Variants in ENOX1 observed in about 807,000 individuals in gnomAD.
ENOX1 encodes ecto-NOX disulfide-thiol exchanger 1.
Under a neutral mutation model 82.5 loss-of-function variants are expected in ENOX1, and 42 were observed. The ratio of observed to expected loss-of-function variants is 0.51; its 90% CI spans 0.40 to 0.66. The LOEUF (loss-of-function observed/expected upper bound fraction) is 0.66. Among genes scored for constraint, ENOX1 ranks in the 30% least tolerant of loss-of-function variants. The pLI, the probability that ENOX1 is intolerant of heterozygous loss-of-function variation, is 0.00. For missense variants in ENOX1, 608 were observed against 811.6 expected (o/e 0.75, Z 3.05); for synonymous variants, 271 against 282.2 (o/e 0.96, Z 0.40).
intron 9 of ENOX1, among the ~76,000 whole-genome samples, chr13:43,335,404 T>TA (rs2048640140): frequency 3.3e-5 from 5 of 152,212 alleles, no homozygotes; most frequent in African/African-American, 1.2e-4. Context: ...GTCTTGGCTT[T>TA]AAAAAATCTT....
Position 43,260,753 on chromosome 13 carries a change from A to G in ENOX1, c.1611+4645T>C, listed in dbSNP as rs1340645667. Reference sequence around the variant, plus strand: ...AGGGACCAGGTTATTCAGCAGTCCTAGGAACGTGGAGATAGCTCAGAGACA... The same window carrying G: ...AGGGACCAGGTTATTCAGCAGTCCTGGGAACGTGGAGATAGCTCAGAGACA... On this transcript the variant is annotated intron_variant, in intron 14 of 16. Transcript: ENST00000690772. 3.9e-5 allele frequency among the ~76,000 whole-genome samples: 6 copies of G among 152,352 alleles called. No homozygotes were observed. In the East Asian group the frequency reaches 1.2e-3, roughly 29 times the overall value.
chr13:43,337,477 T>C (rs986133962), intron 9 of ENOX1, among the ~76,000 whole-genome samples: 1 of 152,084 alleles, frequency 6.6e-6, no homozygotes, highest in African/African-American at 2.4e-5. Context: ...TGATTATGGG[T>C]TATAATGGAT....
At chr13:43,781,513 T>C (rs1241809615) in intron 1 of ENOX1, among the ~76,000 whole-genome samples, 1 of 152,092 alleles carries the variant, frequency 6.6e-6, no homozygotes, top group Non-Finnish European at 1.5e-5. Flanking sequence ...ACTACTTTTG[T>C]CCACTATTTT....
At chr13:43,509,998 G>A (rs1195294261) in intron 2 of ENOX1, among the ~76,000 whole-genome samples, 3 of 152,062 alleles carry the variant, frequency 2.0e-5, no homozygotes, top group Non-Finnish European at 4.4e-5. Context: ...TTCATGAGTA[G>A]TGGTACACAT....
chr13:43,361,272 T>C lies in ENOX1; in HGVS notation c.382+7A>G, dbSNP rs530333925. On this transcript the variant is annotated splice_region_variant and intron_variant, in intron 6 of 16. Transcript: ENST00000690772. ...ATGAGCAAATATTTCTCATAGGCGT[T>C]ACTTACTTGGATTTTGAGGAAAAAG... The C allele has an allele frequency of 6.2e-7, 1 of 1,610,788 alleles. No homozygotes were observed. Among genetic ancestry groups the C allele is most frequent in the South Asian group, 1.1e-5 (1 of 89,964 alleles).
At chr13:43,439,880 A>T (rs920190298) in intron 3 of ENOX1, among the ~76,000 whole-genome samples, 12 of 152,314 alleles carry the variant, frequency 7.9e-5, no homozygotes, top group African/African-American at 2.4e-4. Context: ...GCCACAATGC[A>T]TTATTTTCAA....
At chr13:43,233,073 C>T (rs541186462) in intron 15 of ENOX1, among the ~76,000 whole-genome samples, 1 of 152,312 alleles carries the variant, frequency 6.6e-6, no homozygotes, top group Admixed American at 6.5e-5. Context: ...GCCAATCCAA[C>T]ATGCAGGCCA....
At chr13:43,679,315 A>G (rs572935586) in intron 1 of ENOX1, among the ~76,000 whole-genome samples, 20 of 152,152 alleles carry the variant, frequency 1.3e-4, no homozygotes, top group Non-Finnish European at 2.8e-4. Context: ...ACACTGGGGA[A>G]TGAACAAGAT....
chr13:43,610,249 A>G (rs571416405), intron 2 of ENOX1, among the ~76,000 whole-genome samples: 6 of 152,176 alleles, frequency 3.9e-5, no homozygotes, highest in Non-Finnish European at 8.8e-5. Flanking sequence ...CAGGTGATAA[A>G]TAAATTGTAA....
intron 2 of ENOX1, among the ~76,000 whole-genome samples, chr13:43,597,431 G>C (rs35560787): frequency 0.072 from 10,944 of 152,200 alleles, 543 homozygotes; most frequent in East Asian, 0.26. Context: ...CAAAAGCCTT[G>C]AAGTCACCTT....
chr13:43,639,472 A>T (rs1285152126), intron 2 of ENOX1, among the ~76,000 whole-genome samples: 1 of 152,204 alleles, frequency 6.6e-6, no homozygotes. Context: ...ACGGTCTAAG[A>T]TCACCAGTAC....
chr13:43,636,905 A>C (rs1207213677), intron 2 of ENOX1, among the ~76,000 whole-genome samples: 1 of 152,198 alleles, frequency 6.6e-6, no homozygotes, highest in Non-Finnish European at 1.5e-5. Context: ...TCCATAGTGC[A>C]CTAGGGAAAA....
At chr13:43,774,993 G>A (rs1005098880) in intron 1 of ENOX1, among the ~76,000 whole-genome samples, 2 of 151,990 alleles carry the variant, frequency 1.3e-5, no homozygotes, top group African/African-American at 4.8e-5. Flanking sequence ...GACTACAGGT[G>A]CCTGCCATCA....
chr13:43,739,357 T>C (rs2089787234), intron 1 of ENOX1, among the ~76,000 whole-genome samples: 1 of 152,086 alleles, frequency 6.6e-6, no homozygotes, highest in South Asian at 2.1e-4. Context: ...AGACCAGCCT[T>C]GGCAATATGG....
chr13:43,395,675 G>A (rs1046250899), intron 5 of ENOX1, among the ~76,000 whole-genome samples: 1 of 152,050 alleles, frequency 6.6e-6, no homozygotes, highest in African/African-American at 2.4e-5. Flanking sequence ...CCATACTTTC[G>A]TTATTTTTGC....
chr13:43,715,529 G>T (rs2088057105), intron 1 of ENOX1, among the ~76,000 whole-genome samples: 1 of 151,942 alleles, frequency 6.6e-6, no homozygotes, highest in African/African-American at 2.4e-5. Context: ...GTTAGATTGG[G>T]GAAGTTCTCC....
Position 43,676,757 on chromosome 13 carries a change from G to A in ENOX1, c.-284-9213C>T, listed in dbSNP as rs182438761. Reference sequence around the variant, plus strand: ...GAACACCCACAGAAAGGGGTTCAGGGAAAAGAAGTTTGAGATAGCTGGTCC... The same window carrying A: ...GAACACCCACAGAAAGGGGTTCAGGAAAAAGAAGTTTGAGATAGCTGGTCC... On this transcript the variant is annotated intron_variant, in intron 1 of 16. Transcript: ENST00000690772. 3.0e-4 allele frequency among the ~76,000 whole-genome samples: 45 copies of A among 152,262 alleles called. 1 individual carries two copies. The East Asian group carries it at 8.1e-3, about 27-fold the overall frequency.
chr13:43,667,639 C>T (rs2085048650), intron 1 of ENOX1, 95 bp from the exon 2 acceptor site: 2 of 297,588 alleles, frequency 6.7e-6, no homozygotes, highest in Admixed American at 6.5e-5. Flanking sequence ...CAAGGTTTCG[C>T]CTGCAAAGTT....
intron 5 of ENOX1, among the ~76,000 whole-genome samples, chr13:43,407,700 T>C (rs1284296646): frequency 6.6e-6 from 1 of 152,186 alleles, no homozygotes; most frequent in Non-Finnish European, 1.5e-5. Flanking sequence ...AAGCAATTTA[T>C]CTACGTTTAA....
Sources: gnomAD v4.1 joint callset for allele counts (sites outside exome capture counted in the v4.1 genomes callset) on GRCh38, gnomAD v4.1.1 for gene constraint, MANE v1.5 for transcripts, NCBI Gene and HGNC (gene_info 2026-07-23, HGNC 2026-07-21) for gene names.